PRDM2: variants seen among roughly 807,000 people sequenced by gnomAD.
PRDM2 encodes the protein PR domain zinc finger protein 2.
A neutral mutation model predicts 130.0 loss-of-function variants in PRDM2; 30 were observed. The ratio of observed to expected loss-of-function variants is 0.23; its 90% confidence interval spans 0.17 to 0.31. The LOEUF is 0.31. Ranked by LOEUF, PRDM2 falls within the 10% of genes least tolerant of loss-of-function variation. PRDM2 has a pLI of 1.00. For missense variants in PRDM2, 2,011 were observed against 2,108.4 expected (o/e 0.95, Z 0.90); for synonymous variants, 871 against 782.4 (o/e 1.11, Z -1.89).
chr1:13,788,688 G>A (rs974956097), intron 8 of PRDM2, among the ~76,000 whole-genome samples: 4 of 152,172 alleles, frequency 2.6e-5, no homozygotes, highest in South Asian at 2.1e-4. Flanking sequence ...ACTGGTCTTC[G>A]ATATTAGTAG....
chr1:13,765,068 C>A (rs987185329), intron 6 of PRDM2, among the ~76,000 whole-genome samples: 5 of 152,190 alleles, frequency 3.3e-5, no homozygotes, highest in African/African-American at 1.2e-4. Context: ...GCTTGCTTTG[C>A]CACTGATCGC....
rs1373718751 is a variant in PRDM2, at chr1:13,774,867, C to T, written c.622+1679C>T. 4.0e-5 allele frequency among the ~76,000 whole-genome samples: 6 copies of T among 151,678 alleles called. No homozygotes were observed. In the East Asian group the frequency reaches 1.2e-3, roughly 30 times the overall value. On this transcript the variant is annotated intron_variant, in intron 7 of 9. Coordinates refer to ENST00000311066, the MANE Select transcript of PRDM2 (RefSeq NM_001393986.1). Reference sequence around the variant, plus strand: ...TGGTGGGCGCCTGTAGTCCGGGAGGCTGAGGCAGGAAAATGGTGTGAACCC... The same window carrying T: ...TGGTGGGCGCCTGTAGTCCGGGAGGTTGAGGCAGGAAAATGGTGTGAACCC...
At chr1:13,820,387 C>A (rs1329825653) in intron 9 of PRDM2, among the ~76,000 whole-genome samples, 1 of 152,236 alleles carries the variant, frequency 6.6e-6, no homozygotes, top group Non-Finnish European at 1.5e-5. Context: ...TTTACTGTGA[C>A]TCACACAAAG....
At chr1:13,704,944 C>CATCT (rs1181400515) in intron 1 of PRDM2, 6 of 152,216 alleles carry the variant, frequency 3.9e-5, no homozygotes, top group Non-Finnish European at 8.8e-5. Context: ...TTTTACAGTA[C>CATCT]ATCTGAAAGT....
At chr1:13,761,712 C>G (rs560305075) in intron 6 of PRDM2, among the ~76,000 whole-genome samples, 2 of 152,148 alleles carry the variant, frequency 1.3e-5, no homozygotes. Context: ...AGAACCACCA[C>G]AGTGAACCAG....
chr1:13,811,306 A>C (rs2744690), intron 8 of PRDM2, among the ~76,000 whole-genome samples: 132,354 of 152,200 alleles, frequency 0.87, 57,801 homozygotes, highest in African/African-American at 0.95. Flanking sequence ...AAGTGAGGCA[A>C]TGGCTCGTTA....
chr1:13,803,986 T>C lies in PRDM2; in HGVS notation c.5037-12441T>C, dbSNP rs1645048702. On this transcript the variant is annotated intron_variant, in intron 8 of 9. Transcript: ENST00000311066. The surrounding 1 kb of genome is among the most constrained non-coding windows in gnomAD (Gnocchi z 6.2). ...GCTGATGAGATGGAAGAAAAATGTG[T>C]CTGCTGAGGCCGACTTCAGCCCTGA... 6.6e-6 allele frequency among the ~76,000 whole-genome samples: 1 copy of C among 152,154 alleles called. No individual in the cohort carries two copies. Among genetic ancestry groups the C allele is most frequent in the African/African-American group, 2.4e-5 (1 of 41,434 alleles).
At chr1:13,801,982 T>C (rs573934546) in intron 8 of PRDM2, among the ~76,000 whole-genome samples, 174 of 152,348 alleles carry the variant, frequency 1.1e-3, no homozygotes, top group Middle Eastern at 3.4e-3. Flanking sequence ...CAGAGTCATC[T>C]GACACCTGCA....
At chr1:13,764,531 C>T (rs145176009) in intron 6 of PRDM2, among the ~76,000 whole-genome samples, 2 of 152,310 alleles carry the variant, frequency 1.3e-5, no homozygotes, top group Admixed American at 1.3e-4. Flanking sequence ...GAAGCCCTTT[C>T]TTAAGATGTG....
At position 13,771,654 on chromosome 1, in the gene PRDM2, C is replaced by T. The variant is rs868561249; in HGVS notation, c.512-1424C>T. ...CTGAGGCAGGAGAATGGCATGAACC[C>T]GGGAGGCGGAGCTTGCAGTGAGCCA... On this transcript the variant is annotated intron_variant, in intron 6 of 9. Transcript: ENST00000311066. This position sits in a 1 kb window ranked among gnomAD's most constrained non-coding sequence, Gnocchi z 4.1. 4 of 152,004 alleles carry T rather than the reference C, an allele frequency of 2.6e-5. No individual in the cohort carries two copies. Among genetic ancestry groups the T allele is most frequent in the South Asian group, 2.1e-4 (1 of 4,810 alleles). 9.4% of individuals were successfully genotyped at this position (152,004 alleles called of 1,614,324 possible). A position where few individuals can be genotyped will look rare whatever the true frequency, so the allele number is the denominator to read the frequency against.
At chr1:13,762,564 C>T (rs1644124507) in intron 6 of PRDM2, among the ~76,000 whole-genome samples, 1 of 152,180 alleles carries the variant, frequency 6.6e-6, no homozygotes, top group Non-Finnish European at 1.5e-5. Context: ...AGCCCTAGTC[C>T]TCTGTGAGCC....
At chr1:13,761,633 C>T (rs768283060) in intron 6 of PRDM2, among the ~76,000 whole-genome samples, 69 of 152,056 alleles carry the variant, frequency 4.5e-4, no homozygotes, top group Non-Finnish European at 8.8e-5. Flanking sequence ...GTGTTTACGT[C>T]CGTTTGTGAC....
intron 5 of PRDM2, among the ~76,000 whole-genome samples, chr1:13,748,895 C>T (rs573504282): frequency 6.6e-6 from 1 of 152,314 alleles, no homozygotes; most frequent in East Asian, 1.9e-4. Context: ...CGCGTGGTTC[C>T]TCCTCGTTGT....
chr1:13,712,773 A>C (rs1334470207), intron 1 of PRDM2, among the ~76,000 whole-genome samples: 3 of 151,908 alleles, frequency 2.0e-5, no homozygotes, highest in African/African-American at 7.3e-5. Flanking sequence ...AAACAAACAA[A>C]AAAAAGAAAT....
intron 8 of PRDM2, among the ~76,000 whole-genome samples, chr1:13,809,709 G>T (rs1645140704): frequency 6.6e-6 from 1 of 152,208 alleles, no homozygotes. Flanking sequence ...CCTAGGGAGG[G>T]AGTCACCTGC....
chr1:13,724,254 AGTT>A (rs1288346074), intron 2 of PRDM2, among the ~76,000 whole-genome samples: 5 of 152,146 alleles, frequency 3.3e-5, no homozygotes, highest in Admixed American at 3.3e-4. Context: ...ATTGACAGTA[AGTT>A]GTTGTGTTTA....
intron 8 of PRDM2, chr1:13,783,127 A>G (rs555851683): frequency 5.2e-5 from 31 of 592,636 alleles, no homozygotes; most frequent in South Asian, 4.0e-4. Flanking sequence ...AAAAGATGCA[A>G]TCCTCTCAAA....
At chr1:13,819,717 G>C (rs1645316548) in intron 9 of PRDM2, among the ~76,000 whole-genome samples, 2 of 152,224 alleles carry the variant, frequency 1.3e-5, no homozygotes, top group South Asian at 4.1e-4. Context: ...ACCATAGCCA[G>C]GTTCTGGTGA....
intron 2 of PRDM2, among the ~76,000 whole-genome samples, chr1:13,726,393 A>C (rs1331603724): frequency 5.9e-5 from 9 of 152,218 alleles, no homozygotes. Flanking sequence ...CTCGTGAATC[A>C]AAATCTGTCC....
Sources: gnomAD v4.1 joint callset for allele counts (sites outside exome capture counted in the v4.1 genomes callset) on GRCh38, gnomAD v4.1.1 for gene constraint, Gnocchi (gnomAD v3.1) non-coding constraint, MANE v1.5 for transcripts, NCBI Gene and HGNC (gene_info 2026-07-23, HGNC 2026-07-21) for gene names.